The following LYRM4 variants were observed in gnomAD, a reference collection of about 807,000 sequenced individuals.
LYRM4 encodes LYR motif containing 4, also known as LYR motif-containing protein 4.
A neutral mutation model predicts 11.7 loss-of-function variants in LYRM4; 9 were observed. The ratio of observed to expected loss-of-function variants is 0.77; its 90% confidence interval spans 0.46 to 1.34. LYRM4 has a LOEUF of 1.34. LYRM4 is among the 40% of genes most tolerant of loss of function. The pLI, the probability that LYRM4 is intolerant of heterozygous loss-of-function variation, is 0.00. For synonymous variants in LYRM4, 42 were observed against 40.4 expected (o/e 1.04, Z -0.15); for missense variants, 133 against 112.5 (o/e 1.18, Z -0.82).
chr6:5,115,958 C>G (rs991140489), intron 2 of LYRM4, among the ~76,000 whole-genome samples: 1 of 152,146 alleles, frequency 6.6e-6, no homozygotes, highest in Non-Finnish European at 1.5e-5. Flanking sequence ...ACATGAGCAT[C>G]GGTGACTGAG....
chr6:5,171,356 A>G (rs184111439), intron 2 of LYRM4, among the ~76,000 whole-genome samples: 1 of 152,276 alleles, frequency 6.6e-6, no homozygotes, highest in East Asian at 1.9e-4. Flanking sequence ...AGAGTCCTCC[A>G]TCCCTCCAGC....
At chr6:5,052,082 A>C in the LYRM4 span, among the ~76,000 whole-genome samples, 1 of 152,208 alleles carries the variant, frequency 6.6e-6, no homozygotes, top group Non-Finnish European at 1.5e-5. Context: ...AGAGGTTTGG[A>C]GGAGTCAAAC....
the LYRM4 span, among the ~76,000 whole-genome samples, chr6:5,051,553 A>G: frequency 1.3e-5 from 2 of 152,204 alleles, no homozygotes; most frequent in African/African-American, 4.8e-5. Context: ...CAAACAAAAC[A>G]AAACAAAAGT....
chr6:5,175,863 C>A (rs1295611246), intron 2 of LYRM4, among the ~76,000 whole-genome samples: 1 of 152,126 alleles, frequency 6.6e-6, no homozygotes, highest in African/African-American at 2.4e-5. Flanking sequence ...GAAGCCCCGG[C>A]CACACAGACA....
At chr6:5,159,140 G>A (rs891375642) in intron 2 of LYRM4, among the ~76,000 whole-genome samples, 1 of 152,228 alleles carries the variant, frequency 6.6e-6, no homozygotes, top group Non-Finnish European at 1.5e-5. Flanking sequence ...TGACAGCAGC[G>A]ATCGTACTCT....
the LYRM4 span, among the ~76,000 whole-genome samples, chr6:5,057,469 C>A: frequency 7.9e-5 from 12 of 152,240 alleles, no homozygotes; most frequent in South Asian, 2.5e-3. Flanking sequence ...GTAATCCCAG[C>A]ACTTTAGAAG....
intron 1 of LYRM4, among the ~76,000 whole-genome samples, chr6:5,230,918 T>A (rs73719759): frequency 3.3e-5 from 5 of 152,092 alleles, no homozygotes; most frequent in African/African-American, 1.2e-4. Context: ...TCCCTCCCCC[T>A]TCCTAAAATG....
intron 1 of LYRM4, chr6:5,218,188 C>A (rs1272150930): frequency 3.2e-5 from 29 of 912,962 alleles, no homozygotes; most frequent in Non-Finnish European, 3.8e-5. Context: ...ATTACAAGCA[C>A]ACACCACAGT....
downstream of LYRM4, among the ~76,000 whole-genome samples, chr6:5,101,247 G>A (rs1193170353): frequency 6.6e-6 from 1 of 152,160 alleles, no homozygotes; most frequent in East Asian, 1.9e-4. Flanking sequence ...GGAATTTACA[G>A]AACTCGTACA....
intron 2 of LYRM4, among the ~76,000 whole-genome samples, chr6:5,110,900 C>T (rs1006740049): frequency 5.9e-5 from 9 of 152,168 alleles, no homozygotes; most frequent in Non-Finnish European, 1.2e-4. Flanking sequence ...TGCTGGTCCA[C>T]GGGCCACACT....
At chr6:5,230,396 T>C (rs1013617341) in intron 1 of LYRM4, among the ~76,000 whole-genome samples, 4 of 152,214 alleles carry the variant, frequency 2.6e-5, no homozygotes, top group African/African-American at 7.2e-5. Flanking sequence ...AAAAGCTCCA[T>C]GTATATGGCA....
intron 1 of LYRM4, among the ~76,000 whole-genome samples, chr6:5,225,175 G>A (rs544590177): frequency 6.7e-6 from 1 of 150,242 alleles, no homozygotes; most frequent in African/African-American, 2.4e-5. Flanking sequence ...GTGAACCTGG[G>A]AGGCAGAGTT....
intron 2 of LYRM4, among the ~76,000 whole-genome samples, chr6:5,138,118 A>G (rs1261661975): frequency 1.3e-5 from 2 of 152,202 alleles, no homozygotes; most frequent in Non-Finnish European, 2.9e-5. Flanking sequence ...GACAAGGGGC[A>G]CTGAGGAGGA....
chr6:5,048,540 C>T, the LYRM4 span, among the ~76,000 whole-genome samples: 1 of 152,020 alleles, frequency 6.6e-6, no homozygotes, highest in Non-Finnish European at 1.5e-5. Flanking sequence ...AACTATGTTG[C>T]TCAGGCTGCT....
intron 2 of LYRM4, among the ~76,000 whole-genome samples, chr6:5,144,845 T>C (rs994419657): frequency 2.0e-5 from 3 of 152,052 alleles, no homozygotes; most frequent in Non-Finnish European, 4.4e-5. Flanking sequence ...CCCGCAGGTG[T>C]TTCTGCGAGG....
chr6:5,215,247 T>G (rs1762210663), intron 2 of LYRM4, among the ~76,000 whole-genome samples: 1 of 152,230 alleles, frequency 6.6e-6, no homozygotes, highest in African/African-American at 2.4e-5. Flanking sequence ...AAAATCTTTC[T>G]GAGTTTATGC....
chr6:5,257,664 C>T (rs12215806), intron 1 of LYRM4, among the ~76,000 whole-genome samples: 61,447 of 151,926 alleles, frequency 0.4, 13,972 homozygotes, highest in East Asian at 0.58. Context: ...CTCATAGGTG[C>T]ACCTATTGTG....
chr6:5,213,043 G>A (rs1762067296), intron 2 of LYRM4, among the ~76,000 whole-genome samples: 1 of 152,230 alleles, frequency 6.6e-6, no homozygotes, highest in African/African-American at 2.4e-5. Context: ...AAGGAAGAAT[G>A]AATGACCTCT....
chr6:5,260,297 C>G (rs748035597), intron 1 of LYRM4, among the ~76,000 whole-genome samples: 8 of 152,238 alleles, frequency 5.3e-5, no homozygotes, highest in Non-Finnish European at 1.0e-4. Flanking sequence ...TTTACATATG[C>G]AACACACTGG....
Sources: gnomAD v4.1 joint callset for allele counts (sites outside exome capture counted in the v4.1 genomes callset) on GRCh38, gnomAD v4.1.1 for gene constraint, MANE v1.5 for transcripts, NCBI Gene and HGNC (gene_info 2026-07-23, HGNC 2026-07-21) for gene names.